The following THRB variants were observed in gnomAD, a reference collection of about 807,000 sequenced individuals.
THRB encodes the protein nuclear receptor subfamily 1 group A member 2.
Under a neutral mutation model 47.8 loss-of-function variants are expected in THRB, and 12 were observed. That is an observed-to-expected ratio of 0.25 (90% CI 0.16 to 0.41). THRB has a LOEUF of 0.41. Ranked by LOEUF, THRB falls within the 10% of genes least tolerant of loss-of-function variation. The pLI is 1.00. For missense variants in THRB, 348 were observed against 589.2 expected (o/e 0.59, Z 4.24); for synonymous variants, 218 against 212.2 (o/e 1.03, Z -0.24).
intron 2 of THRB, among the ~76,000 whole-genome samples, chr3:24,319,421 G>A (rs1275270192): frequency 6.6e-6 from 1 of 152,080 alleles, no homozygotes; most frequent in Non-Finnish European, 1.5e-5. Flanking sequence ...TGTAACAACA[G>A]GTATGAATCT....
chr3:24,214,858 G>C (rs886980192), intron 4 of THRB, among the ~76,000 whole-genome samples: 2 of 152,196 alleles, frequency 1.3e-5, no homozygotes, highest in Admixed American at 1.3e-4. Context: ...GTTTACTCTT[G>C]TTGGGACTGA....
At chr3:24,384,942 A>G (rs976320936) in intron 1 of THRB, among the ~76,000 whole-genome samples, 2 of 152,134 alleles carry the variant, frequency 1.3e-5, no homozygotes, top group African/African-American at 2.4e-5. Flanking sequence ...CCCATGGGAA[A>G]AGTCATTGAG....
chr3:24,130,364 A>C (rs2033659332), intron 9 of THRB, among the ~76,000 whole-genome samples: 1 of 152,080 alleles, frequency 6.6e-6, no homozygotes, highest in Non-Finnish European at 1.5e-5. Context: ...GGTGGCGGAG[A>C]TGGCTGCTGC....
rs554600960 is a variant in THRB at position 24,207,957 on chromosome 3, A to G, written c.23-17623T>C. Among the ~76,000 whole-genome samples the G allele has an allele frequency of 2.6e-5, 4 of 152,328 alleles. No individual in the cohort carries two copies. The South Asian group carries it at 8.3e-4, about 32-fold the overall frequency. On this transcript the variant is annotated intron_variant, in intron 4 of 10. Coordinates refer to ENST00000646209, the MANE Select transcript of THRB (RefSeq NM_001354712.2). ...TATATTTAGAAAACCCCATCGTCTCAGCCCAAAATCTCCTTAAGCTGATAA... is the reference window on the plus strand; with the variant it reads ...TATATTTAGAAAACCCCATCGTCTCGGCCCAAAATCTCCTTAAGCTGATAA...
At chr3:24,395,351 T>A (rs958016880) in intron 1 of THRB, among the ~76,000 whole-genome samples, 2 of 152,078 alleles carry the variant, frequency 1.3e-5, no homozygotes, top group African/African-American at 4.8e-5. Context: ...GAGAAGAATA[T>A]ATTTGAAAAT....
At chr3:24,247,086 C>T (rs1251482526) in intron 3 of THRB, among the ~76,000 whole-genome samples, 1 of 152,198 alleles carries the variant, frequency 6.6e-6, no homozygotes, top group African/African-American at 2.4e-5. Flanking sequence ...GCCAACTAGA[C>T]AAAACGTGGC....
chr3:24,274,823 G>C (rs1007796494), intron 3 of THRB, among the ~76,000 whole-genome samples: 1 of 151,910 alleles, frequency 6.6e-6, no homozygotes, highest in African/African-American at 2.4e-5. Context: ...TCCAGCAAAG[G>C]TTTCACTTAC....
At chr3:24,320,668 T>G (rs2058425688) in intron 2 of THRB, among the ~76,000 whole-genome samples, 1 of 152,124 alleles carries the variant, frequency 6.6e-6, no homozygotes, top group Non-Finnish European at 1.5e-5. Flanking sequence ...TGTAAATATC[T>G]AATGTTAAAC....
At chr3:24,207,212 A>G (rs1209107992) in intron 4 of THRB, among the ~76,000 whole-genome samples, 1 of 152,204 alleles carries the variant, frequency 6.6e-6, no homozygotes, top group African/African-American at 2.4e-5. Context: ...TTTTAGACCA[A>G]TATCCCTGAT....
intron 1 of THRB, chr3:24,459,438 C>T (rs879323258): frequency 1.3e-5 from 2 of 152,154 alleles, no homozygotes; most frequent in African/African-American, 2.4e-5. Flanking sequence ...GTGCATGTGT[C>T]TTTACAGTAG....
chr3:24,325,269 T>C (rs1576849146), intron 2 of THRB, among the ~76,000 whole-genome samples: 1 of 152,346 alleles, frequency 6.6e-6, no homozygotes, highest in Non-Finnish European at 1.5e-5. Context: ...TCAGACCCTG[T>C]TAACATTGAT....
intron 10 of THRB, 42 bp from the exon 11 acceptor site, chr3:24,123,167 A>AGG: frequency 6.2e-7 from 1 of 1,612,568 alleles, no homozygotes; most frequent in Non-Finnish European, 8.5e-7. Flanking sequence ...CAGAGATGGA[A>AGG]GGGGGAAGGC....
rs150103483 is a variant in THRB, at chr3:24,277,469, A to G, written c.-43+19757T>C. On this transcript the variant is annotated intron_variant, in intron 3 of 10. Coordinates refer to ENST00000646209, the MANE Select transcript of THRB (RefSeq NM_001354712.2). ...GTCCCACCCCCAGAATTTTTGATTC[A>G]GTGAGTCTGGAGCAAACCCAAGAAT... Among the ~76,000 whole-genome samples the G allele has an allele frequency of 6.2e-4, 94 of 152,308 alleles. 1 individual carries two copies. The highest frequency in any genetic ancestry group is 2.2e-3 in the African/African-American group (92 of 41,568).
At chr3:24,267,616 C>G (rs566446093) in intron 3 of THRB, among the ~76,000 whole-genome samples, 1 of 152,296 alleles carries the variant, frequency 6.6e-6, no homozygotes, top group East Asian at 1.9e-4. Context: ...GATATTTGAT[C>G]AGGTTCATCA....
chr3:24,388,363 C>T (rs776590803), intron 1 of THRB, among the ~76,000 whole-genome samples: 29 of 152,168 alleles, frequency 1.9e-4, no homozygotes, highest in Non-Finnish European at 4.1e-4. Context: ...CCACAGACAG[C>T]TATCTGAGTA....
At chr3:24,470,912 C>T (rs1300500444) in intron 1 of THRB, among the ~76,000 whole-genome samples, 2 of 152,192 alleles carry the variant, frequency 1.3e-5, no homozygotes, top group South Asian at 2.1e-4. Context: ...CCATCACACC[C>T]GGCCAAGACT....
At chr3:24,170,949 C>T (rs1332254992) in intron 5 of THRB, among the ~76,000 whole-genome samples, 1 of 152,026 alleles carries the variant, frequency 6.6e-6, no homozygotes, top group South Asian at 2.1e-4. Flanking sequence ...TGTCTAAAAT[C>T]GATCCAGTTT....
At chr3:24,397,966 C>A (rs1325320014) in intron 1 of THRB, among the ~76,000 whole-genome samples, 1 of 152,042 alleles carries the variant, frequency 6.6e-6, no homozygotes, top group African/African-American at 2.4e-5. Flanking sequence ...CTCTAGTTGT[C>A]AAGCTATTGT....
intron 2 of THRB, among the ~76,000 whole-genome samples, chr3:24,297,653 A>G (rs2056560285): frequency 6.6e-6 from 1 of 152,246 alleles, no homozygotes; most frequent in South Asian, 2.1e-4. Flanking sequence ...AGGTTCCCTC[A>G]CTGTTCTCGC....
Sources: allele counts gnomAD v4.1 joint callset (sites outside exome capture counted in the v4.1 genomes callset), GRCh38; gene constraint gnomAD v4.1.1; transcripts MANE v1.5; gene names NCBI Gene and HGNC (gene_info 2026-07-23, HGNC 2026-07-21).